The following CIMAP1D variants were observed in gnomAD, a reference collection of about 807,000 sequenced individuals.
CIMAP1D encodes protein CIMAP1D.
the CIMAP1D span, among the ~76,000 whole-genome samples, chr19:484,791 G>T: frequency 1.8e-3 from 274 of 152,308 alleles, 3 homozygotes; most frequent in African/African-American, 6.2e-3. Flanking sequence ...CCAGCAGGTC[G>T]TGAAGGGCCC....
the CIMAP1D span, chr19:472,333 T>C: frequency 3.0e-6 from 3 of 1,000,748 alleles, no homozygotes; most frequent in Admixed American, 6.8e-5. Flanking sequence ...GACCCATCAG[T>C]GCTCCTGGGG....
the CIMAP1D span, among the ~76,000 whole-genome samples, chr19:487,276 C>T: frequency 2.8e-4 from 42 of 152,236 alleles, no homozygotes; most frequent in Middle Eastern, 3.4e-3. Flanking sequence ...ACACAGGGGG[C>T]GGCGTGCGCT....
chr19:484,665 T>C, the CIMAP1D span, among the ~76,000 whole-genome samples: 1 of 151,946 alleles, frequency 6.6e-6, no homozygotes, highest in Non-Finnish European at 1.5e-5. Context: ...AGGGCACCGC[T>C]GTGCAAAGGC....
At chr19:485,730 G>A in the CIMAP1D span, among the ~76,000 whole-genome samples, 5 of 152,196 alleles carry the variant, frequency 3.3e-5, no homozygotes, top group African/African-American at 2.4e-5. Context: ...CGACAGCTGG[G>A]AGGCAGCTCC....
At chr19:488,897 C>A in the CIMAP1D span, among the ~76,000 whole-genome samples, 1 of 152,048 alleles carries the variant, frequency 6.6e-6, no homozygotes, top group Admixed American at 6.6e-5. Context: ...GCAGCCGGGG[C>A]GCCCCGCAGT....
chr19:464,658 TG>T, the CIMAP1D span, among the ~76,000 whole-genome samples: 4 of 152,272 alleles, frequency 2.6e-5, no homozygotes, highest in East Asian at 7.7e-4. Context: ...CCCCACAGCC[TG>T]GGTTTTCCCC....
the CIMAP1D span, among the ~76,000 whole-genome samples, chr19:480,476 G>A: frequency 1.4e-5 from 2 of 143,494 alleles, no homozygotes; most frequent in African/African-American, 5.5e-5. Context: ...GAAGGATGAT[G>A]GGGAAGGATG....
chr19:475,494 G>A, the CIMAP1D span, among the ~76,000 whole-genome samples: 1 of 152,198 alleles, frequency 6.6e-6, no homozygotes, highest in Non-Finnish European at 1.5e-5. Context: ...CAGTGTGGGT[G>A]TGGGTGAGCC....
At chr19:480,990 G>A in the CIMAP1D span, among the ~76,000 whole-genome samples, 2 of 134,290 alleles carry the variant, frequency 1.5e-5, no homozygotes, top group African/African-American at 6.0e-5. Flanking sequence ...GATGGAGAAC[G>A]ATGATGGAAA....
chr19:490,339 A>G, the CIMAP1D span: 1 of 232,594 alleles, frequency 4.3e-6, no homozygotes, highest in Non-Finnish European at 8.2e-6. Context: ...CTGGGCGACA[A>G]GAGTGAAACT....
the CIMAP1D span, among the ~76,000 whole-genome samples, chr19:480,743 GA>G: frequency 1.4e-3 from 130 of 95,528 alleles, 2 homozygotes; most frequent in African/African-American, 3.7e-3. Flanking sequence ...AAGGATGATG[GA>G]GAACGATGAT....
At chr19:491,573 G>A in the CIMAP1D span, among the ~76,000 whole-genome samples, 1,379 of 152,020 alleles carry the variant, frequency 9.1e-3, 37 homozygotes, top group African/African-American at 0.03. Context: ...GCACCAAGGC[G>A]TCAGAGCAGC....
the CIMAP1D span, among the ~76,000 whole-genome samples, chr19:479,589 G>C: frequency 1.3e-5 from 2 of 151,600 alleles, no homozygotes; most frequent in African/African-American, 2.4e-5. Context: ...ATTTTTAGTA[G>C]AGACGGGGTT....
At chr19:480,518 AAGGATGATGGGGAAGGATGATGGG>A in the CIMAP1D span, among the ~76,000 whole-genome samples, 3,440 of 122,946 alleles carry the variant, frequency 0.028, 257 homozygotes, top group African/African-American at 0.12. Context: ...GATGATGGGG[AAGGATGATGGGGAAGGATGATGGG>A]GAAGGATGAT....
the CIMAP1D span, among the ~76,000 whole-genome samples, chr19:471,672 A>G: frequency 2.6e-4 from 40 of 151,886 alleles, no homozygotes; most frequent in African/African-American, 9.4e-4. Flanking sequence ...TCTAATCCTT[A>G]CAACAGGCCT....
the CIMAP1D span, among the ~76,000 whole-genome samples, chr19:474,031 G>A: frequency 6.6e-6 from 1 of 151,884 alleles, no homozygotes; most frequent in East Asian, 1.9e-4. Flanking sequence ...TGGGGAGACT[G>A]AGGCCTGAGC....
At chr19:489,374 A>G in the CIMAP1D span, 1 of 141,076 alleles carries the variant, frequency 7.1e-6, no homozygotes, top group Admixed American at 7.1e-5. Flanking sequence ...CCGCCCTCGC[A>G]GCCCGCGGCC....
the CIMAP1D span, chr19:472,467 G>A: frequency 9.1e-6 from 14 of 1,546,768 alleles, no homozygotes; most frequent in Admixed American, 5.9e-5. Flanking sequence ...TGAAGCCCAC[G>A]GTGGACGGCA....
chr19:484,377 G>A, the CIMAP1D span, among the ~76,000 whole-genome samples: 8 of 152,036 alleles, frequency 5.3e-5, no homozygotes, highest in Non-Finnish European at 1.2e-4. Context: ...CTGACCTCAG[G>A]TGATCCGCCC....
Sources: allele counts gnomAD v4.1 joint callset (sites outside exome capture counted in the v4.1 genomes callset), GRCh38; gene constraint gnomAD v4.1.1; transcripts MANE v1.5; gene names NCBI Gene and HGNC (gene_info 2026-07-23, HGNC 2026-07-21).